SCN11A: variants seen among roughly 807,000 people sequenced by gnomAD.
SCN11A encodes sodium voltage-gated channel alpha subunit 11.
Under a neutral mutation model 162.2 loss-of-function variants are expected in SCN11A, and 122 were observed. The observed-to-expected ratio is 0.75, with a 90% confidence interval of 0.65 to 0.87. The LOEUF (loss-of-function observed/expected upper bound fraction) is 0.87, where lower values mean the gene tolerates loss of function less well. Ranked by LOEUF, SCN11A falls within the 40% of genes least tolerant of loss-of-function variation. The pLI is 0.00. For synonymous variants in SCN11A, 758 were observed against 751.5 expected, an observed-to-expected ratio of 1.01 and a Z score of -0.14; for missense variants, 2,015 against 2,181.6, an observed-to-expected ratio of 0.92 and a Z score of 1.52.
At chr3:38,975,497 T>C (rs911806069) in intron 2 of SCN11A, among the ~76,000 whole-genome samples, 3 of 152,218 alleles carry the variant, frequency 2.0e-5, no homozygotes, top group African/African-American at 7.2e-5. Context: ...CAGATCCTCG[T>C]ACTGGTCTAA....
chr3:38,929,131 G>GCGCGCACACA lies in SCN11A; in HGVS notation c.489-2201_489-2200insTGTGTGCGCG, dbSNP rs774058202. 9.2e-4 allele frequency among the ~76,000 whole-genome samples: 34 copies of GCGCGCACACA among 37,064 alleles called. 1 individual carries two copies. Among genetic ancestry groups the GCGCGCACACA allele is most frequent in the African/African-American group, 2.2e-3 (31 of 14,178 alleles). The allele number at this position is 37,064 out of a possible 152,430, so 24.3% of individuals were successfully genotyped here. A position where few individuals can be genotyped will look rare whatever the true frequency, so the allele number is the denominator to read the frequency against. ...ACACTGTCAAAAATACTGGGTCTGT[G>GCGCGCACACA]CACGCACACACACACACACACACAC... On this transcript the variant is annotated intron_variant, in intron 7 of 29. Coordinates refer to ENST00000302328, the MANE Select transcript of SCN11A (RefSeq NM_001349253.2).
intron 2 of SCN11A, among the ~76,000 whole-genome samples, chr3:39,011,387 T>C (rs2031129531): frequency 6.6e-6 from 1 of 152,142 alleles, no homozygotes; most frequent in Non-Finnish European, 1.5e-5. Context: ...CAGAAAGGAA[T>C]GTTAAGTTCT....
chr3:38,871,473 C>T lies in SCN11A; in HGVS notation c.3731G>A (p.Gly1244Glu). 6.2e-7 allele frequency: 1 copy of T among 1,611,504 alleles called. No homozygotes were observed. The highest frequency in any genetic ancestry group is 8.5e-7 in the Non-Finnish European group (1 of 1,178,890). ...INQKVNFDNV[G>E]NAYLALLQVA... ...TTGCAGCAGAGCGAGGTAAGCATTT[C>T]CCACATTGTCAAAGTTGACTTTCTG... is the stretch of plus-strand genomic sequence containing the variant. The change falls in exon 25 of 30, where the codon GGA becomes GAA. Residue 1244 changes from glycine to glutamate, a missense_variant. Gly to Glu is a moderately conservative substitution (Grantham distance 98). Coordinates refer to ENST00000302328, the MANE Select transcript of SCN11A (RefSeq NM_001349253.2).
chr3:38,863,218 G>A lies in SCN11A; in HGVS notation c.4033C>T (p.Gln1345Ter), dbSNP rs751009800. Reference sequence around the variant, plus strand: ...ACCAGAGGCCGTGGAATGGGTTTTTGAGGTTTTTTGGATCCTAATTTTTTC... The same window carrying A: ...ACCAGAGGCCGTGGAATGGGTTTTTAAGGTTTTTTGGATCCTAATTTTTTC... ...AMKKLGSKKP[Q>*]KPIPRPLNKC... Residue 1345 changes from glutamine to a stop codon, truncating the protein, a stop_gained, in exon 28 of 30, where the codon CAA (glutamine) becomes TAA (stop). Transcript: ENST00000302328. LOFTEE classifies it high-confidence loss of function. 6.3e-7 allele frequency: 1 copy of A among 1,597,980 alleles called. No individual in the cohort carries two copies. The highest frequency in any genetic ancestry group is 8.6e-7 in the Non-Finnish European group (1 of 1,165,656).
At chr3:38,978,538 C>T (rs1007001694) in intron 2 of SCN11A, among the ~76,000 whole-genome samples, 6 of 151,880 alleles carry the variant, frequency 4.0e-5, no homozygotes, top group Non-Finnish European at 5.9e-5. Context: ...CCCAGCTACT[C>T]GGGAGGCTGA....
chr3:38,943,652 A>G (rs2066472941), intron 7 of SCN11A, among the ~76,000 whole-genome samples: 1 of 152,238 alleles, frequency 6.6e-6, no homozygotes, highest in African/African-American at 2.4e-5. Flanking sequence ...TAGAAAAGAA[A>G]TAAAAATGAT....
intron 2 of SCN11A, among the ~76,000 whole-genome samples, chr3:38,963,165 G>C (rs1006810720): frequency 6.7e-6 from 1 of 150,062 alleles, no homozygotes; most frequent in African/African-American, 2.4e-5. Flanking sequence ...ACTAAAAGTA[G>C]AACTACTATT....
chr3:39,001,618 T>A (rs919686475), intron 2 of SCN11A, among the ~76,000 whole-genome samples: 10 of 152,222 alleles, frequency 6.6e-5, no homozygotes. Context: ...CTTTCATCCA[T>A]TTTGAATTAA....
chr3:38,948,622 A>G (rs753070571), intron 5 of SCN11A, among the ~76,000 whole-genome samples: 6 of 152,214 alleles, frequency 3.9e-5, no homozygotes, highest in Non-Finnish European at 7.3e-5. Context: ...AATCATGATC[A>G]CACATACCTC....
At chr3:38,990,792 C>T (rs2030428396) in intron 2 of SCN11A, among the ~76,000 whole-genome samples, 1 of 152,064 alleles carries the variant, frequency 6.6e-6, no homozygotes, top group African/African-American at 2.4e-5. Flanking sequence ...CGGCACAGGT[C>T]AGAGCTAGCA....
At chr3:38,983,105 C>T (rs1190689081) in intron 2 of SCN11A, among the ~76,000 whole-genome samples, 3 of 152,136 alleles carry the variant, frequency 2.0e-5, no homozygotes, top group South Asian at 2.1e-4. Context: ...TTAGATGAGA[C>T]CATTAGCCAC....
At chr3:39,035,092 A>C (rs1172343286) in intron 1 of SCN11A, among the ~76,000 whole-genome samples, 1 of 152,208 alleles carries the variant, frequency 6.6e-6, no homozygotes, top group Non-Finnish European at 1.5e-5. Context: ...GAAATAAAAA[A>C]AAATCCTAAA....
chr3:38,972,786 T>C (rs2066824210), intron 2 of SCN11A, among the ~76,000 whole-genome samples: 1 of 151,252 alleles, frequency 6.6e-6, no homozygotes, highest in Admixed American at 6.6e-5. Flanking sequence ...ATGGGCTGCA[T>C]AGAAAAAAAA....
At chr3:38,907,520 T>G (rs1575276747) in intron 14 of SCN11A, among the ~76,000 whole-genome samples, 1 of 151,978 alleles carries the variant, frequency 6.6e-6, no homozygotes, top group East Asian at 1.9e-4. Context: ...CAGTGCTTCC[T>G]GGGATCACTT....
chr3:38,855,660 G>GA (rs1275421252), intron 28 of SCN11A, among the ~76,000 whole-genome samples: 1 of 152,194 alleles, frequency 6.6e-6, no homozygotes, highest in Non-Finnish European at 1.5e-5. Context: ...CCAGGAAGGA[G>GA]AAAACGACAG....
intron 2 of SCN11A, among the ~76,000 whole-genome samples, chr3:38,982,042 G>A (rs2030077191): frequency 6.6e-6 from 1 of 151,526 alleles, no homozygotes; most frequent in Non-Finnish European, 1.5e-5. Context: ...AAAGCAAAAA[G>A]AAAAAAACAA....
chr3:38,852,380 G>T (rs559006770), intron 28 of SCN11A, among the ~76,000 whole-genome samples: 1 of 152,168 alleles, frequency 6.6e-6, no homozygotes, highest in African/African-American at 2.4e-5. Context: ...GGAATGAAGG[G>T]CAAAAAGAAA....
intron 20 of SCN11A, among the ~76,000 whole-genome samples, chr3:38,885,684 C>A (rs1437988831): frequency 1.3e-5 from 2 of 152,048 alleles, no homozygotes; most frequent in Admixed American, 6.5e-5. Context: ...CAGATCATAA[C>A]CCTGATAGGC....
intron 2 of SCN11A, among the ~76,000 whole-genome samples, chr3:39,007,980 A>C (rs971593885): frequency 6.6e-6 from 1 of 152,156 alleles, no homozygotes; most frequent in Non-Finnish European, 1.5e-5. Flanking sequence ...TTAACTCTGG[A>C]CAGTTAGTGT....
Sources: gnomAD v4.1 joint callset for allele counts (sites outside exome capture counted in the v4.1 genomes callset) on GRCh38, gnomAD v4.1.1 for gene constraint, MANE v1.5 for transcripts, NCBI Gene and HGNC (gene_info 2026-07-23, HGNC 2026-07-21) for gene names.